GNB1: variants seen among roughly 807,000 people sequenced by gnomAD.
GNB1 encodes the protein G protein subunit beta 1, also known as guanine nucleotide-binding protein G(I)/G(S)/G(T) subunit beta-1.
A neutral mutation model predicts 42.9 loss-of-function variants in GNB1; 2 were observed. The observed-to-expected ratio is 0.05, with a 90% CI of 0.02 to 0.15. The LOEUF (loss-of-function observed/expected upper bound fraction) is 0.15. Among genes scored for constraint, GNB1 ranks in the 10% least tolerant of loss-of-function variants. GNB1 has a pLI of 1.00. For synonymous variants in GNB1, 183 were observed against 174.7 expected (o/e 1.05, Z -0.38); for missense variants, 193 against 462.2 (o/e 0.42, Z 5.34).
At chr1:1,838,564 C>A (rs572038968) in intron 2 of GNB1, among the ~76,000 whole-genome samples, 2 of 151,914 alleles carry the variant, frequency 1.3e-5, no homozygotes, top group Non-Finnish European at 2.9e-5. Flanking sequence ...CCTGACTCAG[C>A]CTCCAGAGTA....
chr1:1,870,923 T>C (rs1254250470), intron 1 of GNB1, among the ~76,000 whole-genome samples: 2 of 151,762 alleles, frequency 1.3e-5, no homozygotes, highest in Non-Finnish European at 2.9e-5. Flanking sequence ...AGAGACTCCA[T>C]CTCAAAAAAA....
rs1557878219 is a variant in GNB1, at chr1:1,787,286, TCTC to T, written c.*9+33_*9+35del. On this transcript the variant is annotated intron_variant, in intron 11 of 11. Coordinates refer to ENST00000378609, the MANE Select transcript of GNB1 (RefSeq NM_002074.5). This position sits in a 1 kb window ranked among gnomAD's most constrained non-coding sequence, Gnocchi z 4.4. ...ATGTTCTATGAGAAACACGCACAGT[TCTC>T]CTCAGAGAAGGGCATTTGGGCTGCT... 4.9e-6 allele frequency: 5 copies of T among 1,021,938 alleles called. No individual in the cohort carries two copies. Among genetic ancestry groups the T allele is most frequent in the Admixed American group, 3.6e-5 (2 of 55,672 alleles). The allele number at this position is 1,021,938 out of a possible 1,614,324, so 63.3% of individuals were successfully genotyped here.
At chr1:1,817,942 C>T (rs755109902) in intron 3 of GNB1, 67 bp from the exon 4 acceptor site, 82 of 1,233,096 alleles carry the variant, frequency 6.6e-5, no homozygotes, top group Non-Finnish European at 9.5e-5. Context: ...TCCACACATA[C>T]CAAAGTTTCA....
At chr1:1,804,723 A>G (rs959356526) in intron 6 of GNB1, 142 bp from the exon 7 acceptor site, 17 of 624,612 alleles carry the variant, frequency 2.7e-5, no homozygotes, top group Non-Finnish European at 4.5e-5. Context: ...AGCGATTCCC[A>G]TATGTGGCCA....
chr1:1,837,153 C>A (rs1033444227), intron 2 of GNB1, among the ~76,000 whole-genome samples: 20 of 152,072 alleles, frequency 1.3e-4, no homozygotes, highest in African/African-American at 4.8e-4. Flanking sequence ...TTCTTTTACG[C>A]ATTCTATCTT....
At chr1:1,849,729 T>C (rs1207118984) in intron 1 of GNB1, among the ~76,000 whole-genome samples, 1 of 152,134 alleles carries the variant, frequency 6.6e-6, no homozygotes, top group African/African-American at 2.4e-5. Flanking sequence ...TCTGGCTACA[T>C]TCAAAACTTT....
chr1:1,793,921 TG>T (rs1646513207), intron 7 of GNB1: 1 of 153,142 alleles, frequency 6.5e-6, no homozygotes, highest in South Asian at 2.1e-4. Flanking sequence ...AGGGTCAGGG[TG>T]GCAAGGGCCT....
At position 1,845,824 on chromosome 1, in the gene GNB1, TACACACACACACAC is replaced by T. The variant is rs55953457; in HGVS notation, c.-95-6600_-95-6587del. Among the ~76,000 whole-genome samples, 496 of 140,360 alleles carry T rather than the reference TACACACACACACAC, an allele frequency of 3.5e-3. 3 individuals are homozygous for T. Among genetic ancestry groups the T allele is most frequent in the African/African-American group, 0.012 (446 of 37,230 alleles). The allele number at this position is 140,360 out of a possible 152,430, so 92.1% of individuals were successfully genotyped here. On this transcript the variant is annotated intron_variant, in intron 1 of 11. Transcript: ENST00000378609. Reference sequence around the variant, plus strand: ...GTAGAATCATTTGTGTGTAAGTCCATACACACACACACACACACACACACACACACACACACACA... The same window carrying T: ...GTAGAATCATTTGTGTGTAAGTCCATACACACACACACACACACACACACA...
chr1:1,846,111 A>C (rs1457191849), intron 1 of GNB1, among the ~76,000 whole-genome samples: 2 of 152,098 alleles, frequency 1.3e-5, no homozygotes, highest in African/African-American at 4.8e-5. Flanking sequence ...CTGCTGGCCA[A>C]ATTTAGGACA....
chr1:1,838,545 C>T lies in GNB1; in HGVS notation c.-47+645G>A, dbSNP rs573598782. Among the ~76,000 whole-genome samples the T allele has an allele frequency of 2.4e-4, 37 of 151,714 alleles. No individual in the cohort carries two copies. The East Asian group carries it at 6.4e-3, about 26-fold the overall frequency. On this transcript the variant is annotated intron_variant, in intron 2 of 11. Transcript: ENST00000378609. ...CTGCAAGCTCCGCCTCCTGGGTTCA[C>T]ATCATTCTCCTGACTCAGCCTCCAG...
chr1:1,821,520 T>C (rs1241303823), intron 3 of GNB1, among the ~76,000 whole-genome samples: 3 of 152,246 alleles, frequency 2.0e-5, no homozygotes, highest in Admixed American at 6.5e-5. Context: ...CAAGCACGTA[T>C]TCCTTGGGCA....
At chr1:1,840,349 A>C (rs1647211517) in intron 1 of GNB1, among the ~76,000 whole-genome samples, 1 of 152,160 alleles carries the variant, frequency 6.6e-6, no homozygotes, top group African/African-American at 2.4e-5. Context: ...CAATATGGTG[A>C]AACCTCATCT....
chr1:1,842,895 G>A (rs1310433193), intron 1 of GNB1, among the ~76,000 whole-genome samples: 1 of 152,220 alleles, frequency 6.6e-6, no homozygotes, highest in Admixed American at 6.5e-5. Flanking sequence ...CTCCGGGGCA[G>A]GGTCCTATGA....
intron 1 of GNB1, among the ~76,000 whole-genome samples, chr1:1,840,072 A>T (rs970523915): frequency 3.3e-5 from 5 of 151,732 alleles, no homozygotes; most frequent in Non-Finnish European, 7.4e-5. Flanking sequence ...ACTAAAAATT[A>T]AAAAAATTAG....
intron 1 of GNB1, among the ~76,000 whole-genome samples, chr1:1,869,331 A>G (rs760680655): frequency 3.3e-5 from 5 of 152,044 alleles, no homozygotes; most frequent in Non-Finnish European, 5.9e-5. Flanking sequence ...ACTGACTTCT[A>G]TAAGAATCCA....
At position 1,815,746 on chromosome 1, in the gene GNB1, C is replaced by T; in HGVS notation, c.203+10G>A. ...GTAACAAGCAGCATCCTGCTCATGC[C>T]CACGCCTACCTGGAGTCTGTGCCCC... is the stretch of plus-strand genomic sequence containing the variant. On this transcript the variant is annotated intron_variant, in intron 5 of 11. Coordinates refer to ENST00000378609, the MANE Select transcript of GNB1 (RefSeq NM_002074.5). 1.4e-6 allele frequency: 2 copies of T among 1,446,502 alleles called. No homozygotes were observed. Among genetic ancestry groups the T allele is most frequent in the Non-Finnish European group, 1.9e-6 (2 of 1,027,164 alleles). The allele number at this position is 1,446,502 out of a possible 1,614,324, so 89.6% of individuals were successfully genotyped here.
chr1:1,862,082 T>C lies in GNB1; in HGVS notation c.-95-22844A>G, dbSNP rs114834002. On this transcript the variant is annotated intron_variant, in intron 1 of 11. Transcript: ENST00000378609. ...ACTCCATCTCAAAAAAAAAGCCTGG[T>C]GTGGTGGCGCACACCTGTAATCCCA... 8.5e-3 allele frequency among the ~76,000 whole-genome samples: 1,283 copies of C among 151,062 alleles called. 22 individuals are homozygous for C. The highest frequency in any genetic ancestry group is 0.03 in the African/African-American group (1,231 of 41,100).
rs1458327141 is a variant in GNB1 at position 1,838,424 on chromosome 1, T to C, written c.-47+766A>G. ...TGTTTTGTTTTGTTTTCCTGAATCATGTTCACCTTACTTTTTTTTCTTTTC... is the reference window on the plus strand; with the variant it reads ...TGTTTTGTTTTGTTTTCCTGAATCACGTTCACCTTACTTTTTTTTCTTTTC... On this transcript the variant is annotated intron_variant, in intron 2 of 11. Coordinates refer to ENST00000378609, the MANE Select transcript of GNB1 (RefSeq NM_002074.5). Among the ~76,000 whole-genome samples, 10 of 151,844 alleles carry C rather than the reference T, an allele frequency of 6.6e-5. No homozygotes were observed. The East Asian group carries it at 1.6e-3, about 24-fold the overall frequency.
Position 1,871,699 on chromosome 1 carries a change from G to C in GNB1, c.-96+19121C>G, listed in dbSNP as rs572717094. Among the ~76,000 whole-genome samples the C allele has an allele frequency of 2.6e-5, 4 of 152,298 alleles. No homozygotes were observed. In the South Asian group the frequency reaches 8.3e-4, roughly 32 times the overall value. The stretch of plus-strand genomic sequence containing the variant: ...TGCCCTATACCCATTTTGAGCTTCA[G>C]ATATTCAAGGCATGGCTCTGCACAG... On this transcript the variant is annotated intron_variant, in intron 1 of 11. Coordinates refer to ENST00000378609, the MANE Select transcript of GNB1 (RefSeq NM_002074.5).
Sources: gnomAD v4.1 joint callset for allele counts (sites outside exome capture counted in the v4.1 genomes callset) on GRCh38, gnomAD v4.1.1 for gene constraint, Gnocchi (gnomAD v3.1) non-coding constraint, MANE v1.5 for transcripts, NCBI Gene and HGNC (gene_info 2026-07-23, HGNC 2026-07-21) for gene names.